Variants in ITGB1 observed in about 807,000 individuals in gnomAD.
The protein encoded by ITGB1 is integrin subunit beta 1.
In ITGB1, 24 loss-of-function variants were observed where a neutral mutation model predicts 86.5. The observed-to-expected ratio is 0.28, with a 90% CI of 0.20 to 0.39. The LOEUF (loss-of-function observed/expected upper bound fraction) is 0.39. Among genes scored for constraint, ITGB1 ranks in the 10% least tolerant of loss-of-function variants. The pLI, the probability that ITGB1 is intolerant of heterozygous loss-of-function variation, is 1.00. For synonymous variants in ITGB1, 323 were observed against 316.8 expected (o/e 1.02, Z -0.21); for missense variants, 556 against 946.9 (o/e 0.59, Z 5.42).
At position 32,910,303 on chromosome 10, in the gene ITGB1, T is replaced by A. The variant is rs1190441625; in HGVS notation, c.2084A>T (p.Asp695Val). 6.2e-7 allele frequency: 1 copy of A among 1,605,976 alleles called. No individual in the cohort carries two copies. Among genetic ancestry groups the A allele is most frequent in the Non-Finnish European group, 8.5e-7 (1 of 1,173,596 alleles). ...PDPVSHCKEK[D>V]VDDCWFYFTY... ...AAAATAGAACCAACAGTCGTCAACA[T>A]CCTTCTCCTTACAATGGGACACAGG... The change falls in exon 14 of 16, where the codon GAT (aspartate) becomes GTT (valine). Residue 695 changes from aspartate to valine, a missense_variant. Coordinates refer to ENST00000302278, the MANE Select transcript of ITGB1 (RefSeq NM_002211.4).
At chr10:32,906,275 C>T (rs184104915) in intron 15 of ITGB1, among the ~76,000 whole-genome samples, 9 of 152,222 alleles carry the variant, frequency 5.9e-5, no homozygotes, top group Admixed American at 6.5e-5. Flanking sequence ...CTAAAATTTA[C>T]TCATAACAAA....
chr10:32,944,812 C>T, intron 1 of ITGB1: 1 of 896,980 alleles, frequency 1.1e-6, no homozygotes, highest in Non-Finnish European at 1.8e-6. Flanking sequence ...TTGAATTCAA[C>T]CCTCCCAAAA....
chr10:32,911,429 G>A lies in ITGB1; in HGVS notation c.1931+19C>T. The A allele has an allele frequency of 6.3e-7, 1 of 1,598,740 alleles. No homozygotes were observed. Among genetic ancestry groups the A allele is most frequent in the Non-Finnish European group, 8.6e-7 (1 of 1,166,652 alleles). On this transcript the variant is annotated intron_variant, in intron 13 of 15. Transcript: ENST00000302278. ...CAAGAGGAAGTATCAACTATTTCAAGCAATTAGGAAATACTTACTTATGCT... is the reference window on the plus strand; with the variant it reads ...CAAGAGGAAGTATCAACTATTTCAAACAATTAGGAAATACTTACTTATGCT...
intron 1 of ITGB1, among the ~76,000 whole-genome samples, chr10:32,941,989 T>TA (rs2095019325): frequency 6.6e-6 from 1 of 152,086 alleles, no homozygotes; most frequent in Non-Finnish European, 1.5e-5. Context: ...AGTCAAGAGT[T>TA]AGAGACACAG....
chr10:32,927,314 G>A (rs1442232182), intron 5 of ITGB1, among the ~76,000 whole-genome samples: 1 of 152,100 alleles, frequency 6.6e-6, no homozygotes, highest in Non-Finnish European at 1.5e-5. Flanking sequence ...CAACAGGAGT[G>A]GAGAGAAGCA....
chr10:32,940,190 C>A (rs2137248826), intron 1 of ITGB1, among the ~76,000 whole-genome samples: 1 of 152,020 alleles, frequency 6.6e-6, no homozygotes, highest in African/African-American at 2.4e-5. Context: ...CAAAAAAATA[C>A]AAAAATTAGC....
chr10:32,908,497 A>T lies in ITGB1; in HGVS notation c.2202T>A (p.Ala734=), dbSNP rs752690214. The T allele has an allele frequency of 6.2e-7, 1 of 1,613,726 alleles. No homozygotes were observed. The highest frequency in any genetic ancestry group is 1.7e-5 in the Admixed American group (1 of 60,010). ...PTGPDIIPIV[A]GVVAGIVLIG... ...TAAGAACAATTCCAGCAACCACACC[A>T]GCTACAATTGGAATGATGTCTGGAC... The change falls in exon 15 of 16, where the codon GCT becomes GCA. Residue 734 remains alanine, a synonymous_variant. Coordinates refer to ENST00000302278, the MANE Select transcript of ITGB1 (RefSeq NM_002211.4).
intron 1 of ITGB1, among the ~76,000 whole-genome samples, chr10:32,940,366 A>G (rs965740980): frequency 2.0e-5 from 3 of 152,118 alleles, no homozygotes; most frequent in Non-Finnish European, 4.4e-5. Flanking sequence ...AAAAATTAAC[A>G]ATATAGTGCA....
intron 1 of ITGB1, among the ~76,000 whole-genome samples, chr10:32,945,424 C>T (rs2095029016): frequency 6.6e-6 from 1 of 151,838 alleles, no homozygotes; most frequent in Admixed American, 6.6e-5. Context: ...TGGTGAAACC[C>T]CGTCTCTACT....
At chr10:32,943,685 A>G (rs1012092714) in intron 1 of ITGB1, among the ~76,000 whole-genome samples, 1 of 152,206 alleles carries the variant, frequency 6.6e-6, no homozygotes, top group African/African-American at 2.4e-5. Flanking sequence ...TATTAAAAAT[A>G]CAGTACCAGG....
In ITGB1 at chr10:32,939,918, C is replaced by T. The variant is rs192166473; in HGVS notation, c.1-4360G>A. ...CAGGATCATCAATGTCACTGTCTTG[C>T]GCCTGCATATCCTGTCTCCAATGAC... On this transcript the variant is annotated intron_variant, in intron 1 of 15. Transcript: ENST00000302278. Among the ~76,000 whole-genome samples the T allele has an allele frequency of 6.4e-4, 97 of 152,320 alleles. 1 individual carries two copies. In the East Asian group the frequency reaches 0.017, roughly 27 times the overall value.
intron 12 of ITGB1, 44 bp downstream of exon 12, chr10:32,911,842 T>G: frequency 6.5e-7 from 1 of 1,534,930 alleles, no homozygotes; most frequent in Non-Finnish European, 8.9e-7. Context: ...TTCGTGGCAT[T>G]AGATGGGATC....
intron 1 of ITGB1, chr10:32,945,086 T>C (rs1184079723): frequency 4.5e-6 from 2 of 446,852 alleles, no homozygotes; most frequent in Non-Finnish European, 4.2e-6. Flanking sequence ...ACCTCCAGCA[T>C]GTATGAATTC....
chr10:32,931,329 CAAAGGCT>C (rs2094982784), intron 3 of ITGB1, among the ~76,000 whole-genome samples: 1 of 152,108 alleles, frequency 6.6e-6, no homozygotes, highest in Admixed American at 6.6e-5. Context: ...CTCCAAAGCT[CAAAGGCT>C]AAGATAATCC....
intron 1 of ITGB1, 113 bp downstream of exon 1, chr10:32,958,032 C>T (rs1336678165): frequency 6.6e-6 from 1 of 151,690 alleles, no homozygotes; most frequent in East Asian, 2.0e-4. Context: ...CCCACCCCCA[C>T]GCCCGGCACA....
At chr10:32,939,206 A>G (rs1206498960) in intron 1 of ITGB1, among the ~76,000 whole-genome samples, 1 of 152,200 alleles carries the variant, frequency 6.6e-6, no homozygotes, top group South Asian at 2.1e-4. Context: ...TTTCCTCCCA[A>G]TGGCATTCCA....
At chr10:32,951,281 T>C (rs2095042072) in intron 1 of ITGB1, among the ~76,000 whole-genome samples, 1 of 152,022 alleles carries the variant, frequency 6.6e-6, no homozygotes, top group Non-Finnish European at 1.5e-5. Context: ...TGGAATCCTC[T>C]ACAGAACTCA....
intron 11 of ITGB1, among the ~76,000 whole-genome samples, chr10:32,916,962 CA>C: frequency 6.6e-6 from 1 of 151,656 alleles, no homozygotes; most frequent in East Asian, 1.9e-4. Context: ...CTACAGTAAC[CA>C]AAACAGCATG....
chr10:32,922,526 G>A, intron 8 of ITGB1, 114 bp downstream of exon 8: 1 of 773,824 alleles, frequency 1.3e-6, no homozygotes, highest in Non-Finnish European at 2.1e-6. Flanking sequence ...AACCACTTTT[G>A]TAAAATTCGG....
Sources: allele counts gnomAD v4.1 joint callset (sites outside exome capture counted in the v4.1 genomes callset), GRCh38; gene constraint gnomAD v4.1.1; transcripts MANE v1.5; gene names NCBI Gene and HGNC (gene_info 2026-07-23, HGNC 2026-07-21).